Variants in KCNAB1 observed in about 807,000 individuals in gnomAD.
KCNAB1 encodes potassium voltage-gated channel subfamily A regulatory beta subunit 1, also known as voltage-gated potassium channel subunit beta-1.
Under a neutral mutation model 64.6 loss-of-function variants are expected in KCNAB1, and 35 were observed. That is an observed-to-expected ratio of 0.54 (90% CI 0.41 to 0.72). The LOEUF is 0.72. KCNAB1 is among the 30% of genes least tolerant of loss of function. The pLI is 0.00. For missense variants in KCNAB1, 401 were observed against 512.9 expected (o/e 0.78, Z 2.11); for synonymous variants, 177 against 183.8 (o/e 0.96, Z 0.30).
At chr3:156,119,403 T>C (rs1713221718), upstream of KCNAB1, among the ~76,000 whole-genome samples, 2 of 152,220 alleles carry the variant, frequency 1.3e-5, no homozygotes, top group African/African-American at 4.8e-5. Flanking sequence ...TGACAGCCTA[T>C]TGACAGACTT....
chr3:156,242,694 G>A (rs1194164748), intron 1 of KCNAB1, among the ~76,000 whole-genome samples: 1 of 151,232 alleles, frequency 6.6e-6, no homozygotes, highest in Non-Finnish European at 1.5e-5. Flanking sequence ...TTTCAAAGAT[G>A]CAATATTTTT....
At chr3:156,178,099 A>C (rs1340961446) in intron 1 of KCNAB1, among the ~76,000 whole-genome samples, 1 of 152,202 alleles carries the variant, frequency 6.6e-6, no homozygotes, top group Non-Finnish European at 1.5e-5. Flanking sequence ...TCATCTTGGG[A>C]TCCCAGGGTT....
chr3:156,428,490 C>A (rs200382063), intron 2 of KCNAB1, among the ~76,000 whole-genome samples: 2 of 97,288 alleles, frequency 2.1e-5, no homozygotes, highest in Admixed American at 1.1e-4. Flanking sequence ...TTCCTCTATA[C>A]ACACACACAC....
chr3:156,282,451 G>T (rs900728022), intron 1 of KCNAB1, among the ~76,000 whole-genome samples: 8 of 150,582 alleles, frequency 5.3e-5, no homozygotes, highest in Admixed American at 1.3e-4. Flanking sequence ...TGTTGATTTG[G>T]GGTGGAGAGT....
chr3:156,143,549 T>A, intron 1 of KCNAB1: 1 of 507,150 alleles, frequency 2.0e-6, no homozygotes, highest in Non-Finnish European at 3.3e-6. Flanking sequence ...CAGTGAGCCC[T>A]CTTCTTGGGT....
At chr3:156,154,606 T>A (rs990316329) in intron 1 of KCNAB1, among the ~76,000 whole-genome samples, 2 of 152,158 alleles carry the variant, frequency 1.3e-5, no homozygotes, top group African/African-American at 4.8e-5. Flanking sequence ...GATCAGACTT[T>A]CCCATCAACT....
rs575460807 is a variant in KCNAB1 at position 156,277,297 on chromosome 3, G to A, written c.276-144319G>A. ...CTGATGATAGATCACCATAACAGAT[G>A]TAATAATAGTGAAAAGTTTAAAATG... On this transcript the variant is annotated intron_variant, in intron 1 of 13. Coordinates refer to ENST00000490337, the MANE Select transcript of KCNAB1 (RefSeq NM_172160.3). Among the ~76,000 whole-genome samples the A allele has an allele frequency of 5.9e-5, 9 of 152,230 alleles. No homozygotes were observed. The South Asian group carries it at 6.2e-4, about 11-fold the overall frequency.
chr3:156,459,703 C>A (rs891831820), intron 4 of KCNAB1, 124 bp from the exon 5 acceptor site: 5 of 648,886 alleles, frequency 7.7e-6, no homozygotes, highest in Non-Finnish European at 1.1e-5. Context: ...CAGCCGAGAG[C>A]GGCTTCTATT....
intron 1 of KCNAB1, among the ~76,000 whole-genome samples, chr3:156,402,297 C>A (rs919804001): frequency 6.6e-6 from 1 of 151,932 alleles, no homozygotes; most frequent in Non-Finnish European, 1.5e-5. Context: ...AGTATATTTA[C>A]AAGTTAGTCT....
chr3:156,411,668 G>A (rs561775353), intron 1 of KCNAB1, among the ~76,000 whole-genome samples: 1 of 152,202 alleles, frequency 6.6e-6, no homozygotes, highest in African/African-American at 2.4e-5. Flanking sequence ...TTAGTTAACT[G>A]TACTTGTGTG....
chr3:156,265,041 C>T (rs1718620184), intron 1 of KCNAB1, among the ~76,000 whole-genome samples: 1 of 152,096 alleles, frequency 6.6e-6, no homozygotes, highest in African/African-American at 2.4e-5. Flanking sequence ...GAGTCACATG[C>T]CTGTAATCTT....
chr3:156,285,190 T>C (rs58218495), intron 1 of KCNAB1, among the ~76,000 whole-genome samples: 26,132 of 152,190 alleles, frequency 0.17, 3,308 homozygotes, highest in African/African-American at 0.34. Context: ...CTCGGGTTGA[T>C]ATTATTTTAC....
chr3:156,147,940 G>GAC (rs6148150), intron 1 of KCNAB1, among the ~76,000 whole-genome samples: 5,261 of 146,080 alleles, frequency 0.036, 134 homozygotes, highest in African/African-American at 0.075. Flanking sequence ...CACATGCCAA[G>GAC]ACACACACAC....
chr3:156,536,636 G>C, intron 13 of KCNAB1, 22 bp from the exon 14 acceptor site: 1 of 1,512,352 alleles, frequency 6.6e-7, no homozygotes, highest in Non-Finnish European at 9.2e-7. Flanking sequence ...AATATCCTTT[G>C]TACTTCTCCT....
intron 1 of KCNAB1, among the ~76,000 whole-genome samples, chr3:156,253,024 A>C (rs903341221): frequency 6.6e-6 from 1 of 152,204 alleles, no homozygotes; most frequent in African/African-American, 2.4e-5. Flanking sequence ...GCAGCAAAGA[A>C]AAGACCAAAT....
chr3:156,477,656 T>G (rs1714468493), intron 8 of KCNAB1, among the ~76,000 whole-genome samples: 1 of 152,122 alleles, frequency 6.6e-6, no homozygotes, highest in African/African-American at 2.4e-5. Context: ...CTTAGTACAC[T>G]CATTTGTTCC....
At chr3:156,324,276 G>T (rs1188018890) in intron 1 of KCNAB1, among the ~76,000 whole-genome samples, 1 of 152,060 alleles carries the variant, frequency 6.6e-6, no homozygotes, top group East Asian at 1.9e-4. Context: ...GCAACAGTTT[G>T]GTTCTCACAA....
chr3:156,345,283 G>A lies in KCNAB1; in HGVS notation c.276-76333G>A, dbSNP rs184511455. Among the ~76,000 whole-genome samples, 181 of 152,240 alleles carry A rather than the reference G, an allele frequency of 1.2e-3. 2 individuals are homozygous for A. Among genetic ancestry groups the A allele is most frequent in the African/African-American group, 4.1e-3 (170 of 41,556 alleles). On this transcript the variant is annotated intron_variant, in intron 1 of 13. Transcript: ENST00000490337. ...TAAATTATGGTCTTAGATTCTGTAAGTTTAGTATATAATTGAAAATAAGGA... is the reference window on the plus strand; with the variant it reads ...TAAATTATGGTCTTAGATTCTGTAAATTTAGTATATAATTGAAAATAAGGA...
rs114333055 is a variant in KCNAB1 at position 156,340,596 on chromosome 3, C to T, written c.276-81020C>T. Among the ~76,000 whole-genome samples, 120 of 152,338 alleles carry T rather than the reference C, an allele frequency of 7.9e-4. 1 individual carries two copies. The highest frequency in any genetic ancestry group is 2.9e-3 in the African/African-American group (119 of 41,574). On this transcript the variant is annotated intron_variant, in intron 1 of 13. Transcript: ENST00000490337. ...CCCATCTTGGTTAGTGCTGCTGCTG[C>T]CTTCTGCTGACCATGTCCTTCCCTT...
Sources: allele counts gnomAD v4.1 joint callset (sites outside exome capture counted in the v4.1 genomes callset), GRCh38; gene constraint gnomAD v4.1.1; transcripts MANE v1.5; gene names NCBI Gene and HGNC (gene_info 2026-07-23, HGNC 2026-07-21).